Variants in SEPTIN6 observed in about 807,000 individuals in gnomAD.
SEPTIN6 encodes septin 6.
In SEPTIN6, 8 loss-of-function variants were observed where a neutral mutation model predicts 33.6. That is an observed-to-expected ratio of 0.24 (90% confidence interval 0.14 to 0.43). The LOEUF is 0.43. Ranked by LOEUF, SEPTIN6 falls within the 20% of genes least tolerant of loss-of-function variation. The pLI, the probability that SEPTIN6 is intolerant of heterozygous loss-of-function variation, is 1.00. For missense variants in SEPTIN6, 250 were observed against 340.8 expected, an observed-to-expected ratio of 0.73 and a Z score of 2.10; for synonymous variants, 131 against 140.0, an observed-to-expected ratio of 0.94 and a Z score of 0.45.
chrX:119,685,362 C>A (rs768564115), intron 1 of SEPTIN6, among the ~76,000 whole-genome samples: 1 of 110,950 alleles, frequency 9.0e-6, no homozygotes, highest in East Asian at 2.8e-4. Context: ...CTCTCCCCAC[C>A]CAGCTCAAGG....
At chrX:119,681,148 G>A (rs1248818150) in intron 1 of SEPTIN6, among the ~76,000 whole-genome samples, 1 of 110,895 alleles carries the variant, frequency 9.0e-6, no homozygotes, top group Non-Finnish European at 1.9e-5. Context: ...AGGACAGAAG[G>A]ACACAACATT....
rs200008901 is a variant in SEPTIN6, at chrX:119,663,600, T to C, written c.223A>G (p.Thr75Ala). 3 of 1,208,330 alleles carry C rather than the reference T, an allele frequency of 2.5e-6. No homozygotes were observed. In the Admixed American group the frequency reaches 6.6e-5, roughly 27 times the overall value. ...GACTGGAGCTGGACACCCGGCTGTG[T>C]GTGGGTGGCTGGCTCCCCTTCGAAT... The part of the protein sequence containing the change: ...TKFEGEPATH[T>A]QPGVQLQSNT... Residue 75 changes from threonine (T) to alanine (A), a missense_variant, in exon 3 of 11, where the codon ACA (threonine) becomes GCA (alanine). Around this residue, in one of 2 missense-constraint regions of SEPTIN6, gnomAD observed 111 missense variants for 113.8 expected, o/e 0.98. Coordinates refer to ENST00000394610, the MANE Select transcript of SEPTIN6 (RefSeq NM_145799.4).
intron 1 of SEPTIN6, among the ~76,000 whole-genome samples, chrX:119,677,176 C>T (rs2054855825): frequency 8.9e-6 from 1 of 111,830 alleles, no homozygotes; most frequent in African/African-American, 3.2e-5. Flanking sequence ...CCTCTGGGTC[C>T]CTTGACTCCC....
intron 6 of SEPTIN6, among the ~76,000 whole-genome samples, chrX:119,637,525 CCATCCATCCATCCACT>C (rs1156274714): frequency 9.0e-6 from 1 of 111,005 alleles, no homozygotes; most frequent in East Asian, 2.8e-4. Context: ...GTCCATCCAT[CCATCCATCCATCCACT>C]CATCCATCCA....
In SEPTIN6 at chrX:119,619,716, G is replaced by A; in HGVS notation, c.*377C>T. 1.0e-6 allele frequency: 1 copy of A among 953,508 alleles called. No homozygotes were observed. The highest frequency in any genetic ancestry group is 1.3e-6 in the Non-Finnish European group (1 of 763,573). 78.6% of individuals were successfully genotyped at this position (953,508 alleles called of 1,213,427 possible). On this transcript the variant is annotated 3_prime_UTR_variant, in exon 11 of 11. Coordinates refer to ENST00000394610, the MANE Select transcript of SEPTIN6 (RefSeq NM_145799.4). Reference sequence around the variant, plus strand: ...ACCTCAGGGAAACTAACAGCAACCAGAACTGGAACAGGGGAGCTGGTGGGA... The same window carrying A: ...ACCTCAGGGAAACTAACAGCAACCAAAACTGGAACAGGGGAGCTGGTGGGA...
chrX:119,668,338 G>GAGAA (rs1569438457), intron 2 of SEPTIN6, among the ~76,000 whole-genome samples: 1 of 109,684 alleles, frequency 9.1e-6, no homozygotes, highest in Admixed American at 9.8e-5. Context: ...GAGAGACAGA[G>GAGAA]AGAGAGACAG....
intron 5 of SEPTIN6, 128 bp downstream of exon 5, chrX:119,649,809 T>C: frequency 1.5e-6 from 1 of 669,119 alleles, no homozygotes; most frequent in Non-Finnish European, 2.3e-6. Context: ...AGTTCAAGGC[T>C]GCAGTGAGTT....
intron 5 of SEPTIN6, among the ~76,000 whole-genome samples, chrX:119,644,644 C>T (rs2054213052): frequency 1.8e-5 from 2 of 110,790 alleles, no homozygotes; most frequent in African/African-American, 3.3e-5. Context: ...GTCAGGAGTT[C>T]AAGACCAGCC....
intron 5 of SEPTIN6, among the ~76,000 whole-genome samples, chrX:119,643,261 C>T (rs1257419488): frequency 4.5e-5 from 5 of 109,965 alleles, no homozygotes; most frequent in Admixed American, 3.9e-4. Flanking sequence ...CAAGGGGTGG[C>T]GAATGCAGAG....
At position 119,617,747 on chromosome X, in the gene SEPTIN6, C is replaced by T. The variant is rs933632802; in HGVS notation, c.*2346G>A. ...CTGCCTCGAAACAGAAGTGGGACCT[C>T]GGTCAAGTCCCTTCCCTTCTCTGGG... On this transcript the variant is annotated 3_prime_UTR_variant, in exon 11 of 11. Transcript: ENST00000394610. 1.7e-5 allele frequency: 13 copies of T among 769,112 alleles called. No individual in the cohort carries two copies. In the South Asian group the frequency reaches 2.1e-4, roughly 12 times the overall value. The allele number at this position is 769,112 out of a possible 1,213,427, so 63.4% of individuals were successfully genotyped here.
At position 119,637,188 on chromosome X, in the gene SEPTIN6, G is replaced by A. The variant is rs760630055; in HGVS notation, c.795C>T (p.Asn265=). ...GCTTCACAAAGTCGCAGTGGGCCTCGTTTTCAACTGCATAGCAGGATTTGG... is the reference window on the plus strand; with the variant it reads ...GCTTCACAAAGTCGCAGTGGGCCTCATTTTCAACTGCATAGCAGGATTTGG... ...QYPWGTVQVE[N]EAHCDFVKLR... Residue 265 remains asparagine (N), a synonymous_variant, in exon 7 of 11, where the codon AAC becomes AAT. Transcript: ENST00000394610. 5.8e-6 allele frequency: 7 copies of A among 1,210,157 alleles called. No homozygotes were observed. The highest frequency in any genetic ancestry group is 6.7e-6 in the Non-Finnish European group (6 of 894,157).
At chrX:119,623,034 T>C (rs1162914438) in intron 10 of SEPTIN6, among the ~76,000 whole-genome samples, 2 of 112,261 alleles carry the variant, frequency 1.8e-5, no homozygotes, top group South Asian at 3.7e-4. Flanking sequence ...GAAACCTCTA[T>C]GGACTTCCTC....
chrX:119,662,308 G>A (rs1452475129), intron 3 of SEPTIN6, among the ~76,000 whole-genome samples: 1 of 111,598 alleles, frequency 9.0e-6, no homozygotes, highest in Non-Finnish European at 1.9e-5. Flanking sequence ...AGGTCATCGC[G>A]TATCTCAGTA....
intron 5 of SEPTIN6, among the ~76,000 whole-genome samples, chrX:119,645,326 C>T (rs1276310862): frequency 9.6e-6 from 1 of 104,710 alleles, no homozygotes; most frequent in Non-Finnish European, 2.0e-5. Context: ...GCAACCTCCG[C>T]GTCCCGGGTT....
At chrX:119,647,961 A>ATTTTTTTTTTTTTTTTT (rs199881052) in intron 5 of SEPTIN6, among the ~76,000 whole-genome samples, 1 of 103,703 alleles carries the variant, frequency 9.6e-6, no homozygotes, top group African/African-American at 3.8e-5. Context: ...CCACTAGTTA[A>ATTTTTTTTTTTTTTTTT]TTTTTTTTAA....
chrX:119,640,527 G>C (rs1289371265), intron 6 of SEPTIN6, among the ~76,000 whole-genome samples, 165 bp downstream of exon 6: 2 of 109,381 alleles, frequency 1.8e-5, no homozygotes, highest in Non-Finnish European at 3.8e-5. Context: ...TCCCAGTATG[G>C]AGCCAGAGTT....
At chrX:119,616,293 G>A (rs41300319), downstream of SEPTIN6, 12,520 of 309,896 alleles carry the variant, frequency 0.04, 228 homozygotes, top group Non-Finnish European at 0.06. Context: ...AACAGTGGCT[G>A]TAGACAGTCA....
Position 119,693,085 on chromosome X carries a change from A to G in SEPTIN6, c.21T>C (p.Ala7=). Residue 7 remains alanine (A), a synonymous_variant, in exon 1 of 11, where the codon GCT becomes GCC. Transcript: ENST00000394610. MAATDI[A]RQVGEGCRTV... ...CAAGCTCTGCACTTACCACCTGGCGAGCTATATCGGTCGCTGCCATCGCTC... is the reference window on the plus strand; with the variant it reads ...CAAGCTCTGCACTTACCACCTGGCGGGCTATATCGGTCGCTGCCATCGCTC... 8.5e-7 allele frequency: 1 copy of G among 1,173,190 alleles called. No homozygotes were observed. Among genetic ancestry groups the G allele is most frequent in the Non-Finnish European group, 1.1e-6 (1 of 876,070 alleles).
At chrX:119,647,406 T>C (rs2054277666) in intron 5 of SEPTIN6, among the ~76,000 whole-genome samples, 1 of 98,549 alleles carries the variant, frequency 1.0e-5, no homozygotes, top group Non-Finnish European at 2.0e-5. Context: ...CCTCCTCCCT[T>C]CCTTCCTTCC....
Sources: allele counts gnomAD v4.1 joint callset (sites outside exome capture counted in the v4.1 genomes callset), GRCh38; gene constraint gnomAD v4.1.1; regional missense constraint gnomAD v4.1.1; transcripts MANE v1.5; gene names NCBI Gene and HGNC (gene_info 2026-07-23, HGNC 2026-07-21).